Variants in COL7A1 observed in about 807,000 individuals in gnomAD.
The protein encoded by COL7A1 is collagen type VII alpha 1 chain, also known as collagen alpha-1(VII) chain.
Under a neutral mutation model 456.2 loss-of-function variants are expected in COL7A1, and 296 were observed. That is an observed-to-expected ratio of 0.65 (90% CI 0.59 to 0.71). The LOEUF is 0.71. Ranked by LOEUF, COL7A1 falls within the 30% of genes least tolerant of loss-of-function variation. COL7A1 has a pLI of 0.00. For synonymous variants in COL7A1, 1,464 were observed against 1,525.9 expected (o/e 0.96, Z 0.95); for missense variants, 3,441 against 4,017.2 (o/e 0.86, Z 3.88).
At position 48,565,386 on chromosome 3, in the gene COL7A1, C is replaced by T; in HGVS notation, c.8527+24G>A. On this transcript the variant is annotated intron_variant, in intron 116 of 118. Transcript: ENST00000681320. The surrounding 1 kb of genome is among the most constrained non-coding windows in gnomAD (Gnocchi z 4.5). ...CGTGTCTCGGCCCCACCCATAGCTGCCCCACGGGTTCAGCTGTCCTCACCT... is the reference window on the plus strand; with the variant it reads ...CGTGTCTCGGCCCCACCCATAGCTGTCCCACGGGTTCAGCTGTCCTCACCT... 1 of 1,589,034 alleles carries T rather than the reference C, an allele frequency of 6.3e-7. No homozygotes were observed. Among genetic ancestry groups the T allele is most frequent in the South Asian group, 1.1e-5 (1 of 88,404 alleles).
Position 48,578,067 on chromosome 3 carries a change from G to C in COL7A1, c.5532+254C>G, listed in dbSNP as rs2044444597. Among the ~76,000 whole-genome samples, 1 of 152,142 alleles carries C rather than the reference G, an allele frequency of 6.6e-6. No individual in the cohort carries two copies. Among genetic ancestry groups the C allele is most frequent in the Admixed American group, 6.5e-5 (1 of 15,276 alleles). On this transcript the variant is annotated intron_variant, in intron 65 of 118. Coordinates refer to ENST00000681320, the MANE Select transcript of COL7A1 (RefSeq NM_000094.4). This position sits in a 1 kb window ranked among gnomAD's most constrained non-coding sequence, Gnocchi z 4.7. Reference sequence around the variant, plus strand: ...TAATCCCAGTTACTCGGGAGGTTGAGGCAGGAGAATCACTTGAACCCGAGA... The same window carrying C: ...TAATCCCAGTTACTCGGGAGGTTGACGCAGGAGAATCACTTGAACCCGAGA...
At position 48,580,356 on chromosome 3, in the gene COL7A1, C is replaced by A; in HGVS notation, c.5053-12G>T. The A allele has an allele frequency of 1.9e-6, 3 of 1,607,756 alleles. No homozygotes were observed. The highest frequency in any genetic ancestry group is 2.5e-6 in the Non-Finnish European group (3 of 1,176,744). The stretch of plus-strand genomic sequence containing the variant: ...GATCCAGGGCTGCCCTGCAGAAAGG[C>A]AGGGGTCAGGGCCACTCAAGGTAGG... On this transcript the variant is annotated splice_polypyrimidine_tract_variant and intron_variant, in intron 55 of 118. Transcript: ENST00000681320. The surrounding 1 kb of genome is among the most constrained non-coding windows in gnomAD (Gnocchi z 4.5).
Position 48,594,461 on chromosome 3 carries a change from C to T in COL7A1, c.173G>A (p.Arg58His), listed in dbSNP as rs1197660529. Residue 58 changes from arginine (R) to histidine (H), a missense_variant, in exon 3 of 119, where the codon CGC becomes CAC. This residue lies in a region of COL7A1 where 913 missense variants were observed against 1,088.2 expected (regional missense o/e 0.84). Transcript: ENST00000681320. This position sits in a 1 kb window ranked among gnomAD's most constrained non-coding sequence, Gnocchi z 5.5. ...SIGRSNFREV[R>H]SFLEGLVLPF... ...CAGCACCAGCCCTTCGAGAAAGCTG[C>T]GGACCTCGCGGAAATTGCTGCGGCC... is the stretch of plus-strand genomic sequence containing the variant. 1.9e-6 allele frequency: 3 copies of T among 1,612,170 alleles called. No individual in the cohort carries two copies. The highest frequency in any genetic ancestry group is 1.7e-6 in the Non-Finnish European group (2 of 1,180,044).
At position 48,568,669 on chromosome 3, in the gene COL7A1, G is replaced by T. The variant is rs545889340; in HGVS notation, c.7758+115C>A. 2.4e-5 allele frequency: 35 copies of T among 1,476,818 alleles called. No individual in the cohort carries two copies. The African/African-American group carries it at 3.5e-4, about 15-fold the overall frequency. The allele number at this position is 1,476,818 out of a possible 1,614,324, so 91.5% of individuals were successfully genotyped here. The stretch of plus-strand genomic sequence containing the variant: ...CACAGATCCCGGGTGAACACACATG[G>T]GGCCGGCAGCAAGGGAGCCAGAACC... On this transcript the variant is annotated intron_variant, in intron 104 of 118. Coordinates refer to ENST00000681320, the MANE Select transcript of COL7A1 (RefSeq NM_000094.4). This position sits in a 1 kb window ranked among gnomAD's most constrained non-coding sequence, Gnocchi z 5.2.
At position 48,584,757 on chromosome 3, in the gene COL7A1, G is replaced by A. The variant is rs200290149; in HGVS notation, c.4024C>T (p.Pro1342Ser). The A allele has an allele frequency of 5.8e-5, 94 of 1,613,982 alleles. 1 individual carries two copies. In the South Asian group the frequency reaches 6.4e-4, roughly 11 times the overall value. The change falls in exon 35 of 119, where the codon CCT (proline) becomes TCT (serine). Residue 1342 changes from proline (P) to serine (S), a missense_variant. Around this residue, in one of 3 missense-constraint regions of COL7A1, gnomAD observed 2,084 missense variants for 2,501.3 expected, o/e 0.83. Coordinates refer to ENST00000681320, the MANE Select transcript of COL7A1 (RefSeq NM_000094.4). ...GPRGDPGERG[P>S]RGPKGEPGAP... ...ACCGGCTCCCCCTTTGGGCCTCGAG[G>A]TCCTCGCTCTCCCTGAGGACGAAAC...
rs1029171935 is a variant in COL7A1, at chr3:48,579,336, C to T, written c.5307+33G>A. 2 of 1,614,188 alleles carry T rather than the reference C, an allele frequency of 1.2e-6. No individual in the cohort carries two copies. The highest frequency in any genetic ancestry group is 3.3e-4 in the Middle Eastern group (2 of 6,062). Reference sequence around the variant, plus strand: ...GCTGAGGTGGATCTGATAACCCAGGCTCATGTCCTGAGAAACCCCCACACC... The same window carrying T: ...GCTGAGGTGGATCTGATAACCCAGGTTCATGTCCTGAGAAACCCCCACACC... On this transcript the variant is annotated intron_variant, in intron 61 of 118. Transcript: ENST00000681320. The surrounding 1 kb of genome is among the most constrained non-coding windows in gnomAD (Gnocchi z 4.4).
chr3:48,584,708 G>A (rs2045095809), intron 35 of COL7A1, 26 bp downstream of exon 35: 3 of 1,613,796 alleles, frequency 1.9e-6, no homozygotes, highest in Non-Finnish European at 2.5e-6. Flanking sequence ...GGACATCCCG[G>A]CCGCCTCCCT....
Position 48,587,456 on chromosome 3 carries a change from T to C in COL7A1, c.2956A>G (p.Ile986Val), listed in dbSNP as rs972209882. 20 of 1,613,116 alleles carry C rather than the reference T, an allele frequency of 1.2e-5. No individual in the cohort carries two copies. The highest frequency in any genetic ancestry group is 1.7e-5 in the Non-Finnish European group (20 of 1,180,024). The change falls in exon 23 of 119, where the codon ATC (isoleucine) becomes GTC (valine). Residue 986 changes from isoleucine (I) to valine (V), a missense_variant. Transcript: ENST00000681320. The surrounding 1 kb of genome is among the most constrained non-coding windows in gnomAD (Gnocchi z 6.1). The part of the protein sequence containing the change: ...WTPVSRASSY[I>V]LSWRPLRGPG... ...CCTCTGAGTGGCCGCCAGGATAGGA[T>C]GTAGCTGGATGCCCTGGACACTGGA...
Position 48,590,422 on chromosome 3 carries a change from G to A in COL7A1, c.1906+37C>T. Reference sequence around the variant, plus strand: ...CCCTCTGGCACCCATACCCTCATTGGTCCCTTTGGCAGTCCCCCCACACAC... The same window carrying A: ...CCCTCTGGCACCCATACCCTCATTGATCCCTTTGGCAGTCCCCCCACACAC... On this transcript the variant is annotated intron_variant, in intron 15 of 118. Transcript: ENST00000681320. This position sits in a 1 kb window ranked among gnomAD's most constrained non-coding sequence, Gnocchi z 4.6. 6.2e-7 allele frequency: 1 copy of A among 1,614,036 alleles called. No homozygotes were observed. The highest frequency in any genetic ancestry group is 8.5e-7 in the Non-Finnish European group (1 of 1,180,004).
Position 48,568,280 on chromosome 3 carries a change from GC to G in COL7A1, c.7795-111del. ...CATGGGGTGGGAGTCACCTCTGGAG[GC>G]CAGAGCCACTGGGGCTTGCCATGGG... is the stretch of plus-strand genomic sequence containing the variant. On this transcript the variant is annotated intron_variant, in intron 105 of 118. Coordinates refer to ENST00000681320, the MANE Select transcript of COL7A1 (RefSeq NM_000094.4). This position sits in a 1 kb window ranked among gnomAD's most constrained non-coding sequence, Gnocchi z 5.2. 7.7e-7 allele frequency: 1 copy of G among 1,304,660 alleles called. No individual in the cohort carries two copies. The highest frequency in any genetic ancestry group is 1.2e-5 in the South Asian group (1 of 83,384). The allele number at this position is 1,304,660 out of a possible 1,614,324, so 80.8% of individuals were successfully genotyped here. A position where few individuals can be genotyped will look rare whatever the true frequency, so the allele number is the denominator to read the frequency against.
Position 48,579,996 on chromosome 3 carries a change from C to G in COL7A1, c.5124+35G>C. 6.2e-7 allele frequency: 1 copy of G among 1,613,980 alleles called. No individual in the cohort carries two copies. Among genetic ancestry groups the G allele is most frequent in the East Asian group, 2.2e-5 (1 of 44,866 alleles). On this transcript the variant is annotated intron_variant, in intron 57 of 118. Transcript: ENST00000681320. This position sits in a 1 kb window ranked among gnomAD's most constrained non-coding sequence, Gnocchi z 4.4. ...GTGGAGCCAAAGGGGCAAGTGAGAA[C>G]AATGACAGAGGACCAGACCCAGCGC...
chr3:48,576,487 C>T (rs1365828798), intron 69 of COL7A1, 35 bp downstream of exon 69: 2 of 1,612,372 alleles, frequency 1.2e-6, no homozygotes, highest in African/African-American at 1.3e-5. Context: ...TGGTCAGCCC[C>T]CTCACCACGC....
Position 48,589,685 on chromosome 3 carries a change from G to A in COL7A1, c.2084C>T (p.Thr695Ile). The A allele has an allele frequency of 6.2e-7, 1 of 1,614,130 alleles. No homozygotes were observed. The highest frequency in any genetic ancestry group is 1.1e-5 in the South Asian group (1 of 91,084). Reference sequence around the variant, plus strand: ...GGTGACAGATGAGCTGCTGGCCTGAGTCACATGGACCGTCCTCACTGGGCC... The same window carrying A: ...GGTGACAGATGAGCTGCTGGCCTGAATCACATGGACCGTCCTCACTGGGCC... ...PLGPVRTVHV[T>I]QASSSSVTIT... Residue 695 changes from threonine (T) to isoleucine (I), a missense_variant, in exon 17 of 119, where the codon ACT becomes ATT. Physicochemically the swap from Thr to Ile is moderately conservative, Grantham distance 89. Around this residue, in one of 3 missense-constraint regions of COL7A1, gnomAD observed 913 missense variants for 1,088.2 expected, o/e 0.84. Coordinates refer to ENST00000681320, the MANE Select transcript of COL7A1 (RefSeq NM_000094.4).
rs1348697577 is a variant in COL7A1 at position 48,567,947 on chromosome 3, C to G, written c.7876-56G>C. ...TCCCAGACACCTCACTCTGTGACCC[C>G]CTTCACCCTGAAACTAACTCTCCAA... is the stretch of plus-strand genomic sequence containing the variant. On this transcript the variant is annotated intron_variant, in intron 106 of 118. Transcript: ENST00000681320. The surrounding 1 kb of genome is among the most constrained non-coding windows in gnomAD (Gnocchi z 4.3). 1 of 1,609,608 alleles carries G rather than the reference C, an allele frequency of 6.2e-7. No homozygotes were observed.
In COL7A1 at chr3:48,579,963, G is replaced by A; in HGVS notation, c.5124+68C>T. The A allele has an allele frequency of 1.2e-6, 2 of 1,609,210 alleles. No homozygotes were observed. The highest frequency in any genetic ancestry group is 1.7e-4 in the Middle Eastern group (1 of 6,052). On this transcript the variant is annotated intron_variant, in intron 57 of 118. Coordinates refer to ENST00000681320, the MANE Select transcript of COL7A1 (RefSeq NM_000094.4). The surrounding 1 kb of genome is among the most constrained non-coding windows in gnomAD (Gnocchi z 4.4). ...TGGGAGTTAGTGGAAGGAATGAGGG[G>A]ACATGATGTGGAGCCAAAGGGGCAA...
Position 48,586,756 on chromosome 3 carries a change from G to A in COL7A1, c.3277-67C>T. On this transcript the variant is annotated intron_variant, in intron 25 of 118. Transcript: ENST00000681320. This position sits in a 1 kb window ranked among gnomAD's most constrained non-coding sequence, Gnocchi z 5.1. ...GCAGGGATGGGGGTGCACAGAGCCT[G>A]GAGAAACACATCAGGGTGTGTGTGA... is the stretch of plus-strand genomic sequence containing the variant. 5 of 1,543,974 alleles carry A rather than the reference G, an allele frequency of 3.2e-6. No homozygotes were observed. The highest frequency in any genetic ancestry group is 4.4e-6 in the Non-Finnish European group (5 of 1,141,696).
At position 48,578,388 on chromosome 3, in the gene COL7A1, G is replaced by A; in HGVS notation, c.5488-23C>T. On this transcript the variant is annotated intron_variant, in intron 64 of 118. Transcript: ENST00000681320. This position sits in a 1 kb window ranked among gnomAD's most constrained non-coding sequence, Gnocchi z 4.7. ...TCCCTGTGGGAACAGATCACTGGTTGGATGTCGGGGATCGGGTGAGGGTAG... is the reference window on the plus strand; with the variant it reads ...TCCCTGTGGGAACAGATCACTGGTTAGATGTCGGGGATCGGGTGAGGGTAG... 1 of 1,613,552 alleles carries A rather than the reference G, an allele frequency of 6.2e-7. No homozygotes were observed. The highest frequency in any genetic ancestry group is 8.5e-7 in the Non-Finnish European group (1 of 1,180,026).
At position 48,580,172 on chromosome 3, in the gene COL7A1, C is replaced by A; in HGVS notation, c.5098-115G>T. On this transcript the variant is annotated intron_variant, in intron 56 of 118. Coordinates refer to ENST00000681320, the MANE Select transcript of COL7A1 (RefSeq NM_000094.4). This position sits in a 1 kb window ranked among gnomAD's most constrained non-coding sequence, Gnocchi z 4.5. Reference sequence around the variant, plus strand: ...TCCCCGAAGCACCCCAATGCCAGCCCCCAGCAGGCATGGGTGGCCATCCAT... The same window carrying A: ...TCCCCGAAGCACCCCAATGCCAGCCACCAGCAGGCATGGGTGGCCATCCAT... The A allele has an allele frequency of 6.5e-7, 1 of 1,527,108 alleles. No individual in the cohort carries two copies. The highest frequency in any genetic ancestry group is 2.3e-5 in the East Asian group (1 of 42,554). 94.6% of individuals were successfully genotyped at this position (1,527,108 alleles called of 1,614,324 possible). A position where few individuals can be genotyped will look rare whatever the true frequency, so the allele number is the denominator to read the frequency against.
Position 48,593,833 on chromosome 3 carries a change from C to A in COL7A1, c.267-137G>T. The A allele has an allele frequency of 9.3e-7, 1 of 1,069,676 alleles. No homozygotes were observed. Among genetic ancestry groups the A allele is most frequent in the Admixed American group, 1.9e-5 (1 of 51,376 alleles). 66.3% of individuals were successfully genotyped at this position (1,069,676 alleles called of 1,614,324 possible). The stretch of plus-strand genomic sequence containing the variant: ...CCTTCGTTCTGTCATTCTCCACACC[C>A]ACTTGCCTCTGGAACCCCCAGGTTA... On this transcript the variant is annotated intron_variant, in intron 3 of 118. Coordinates refer to ENST00000681320, the MANE Select transcript of COL7A1 (RefSeq NM_000094.4). The surrounding 1 kb of genome is among the most constrained non-coding windows in gnomAD (Gnocchi z 4.4).
Sources: gnomAD v4.1 joint callset for allele counts (sites outside exome capture counted in the v4.1 genomes callset) on GRCh38, gnomAD v4.1.1 for gene constraint, gnomAD v4.1.1 regional missense constraint, Gnocchi (gnomAD v3.1) non-coding constraint, MANE v1.5 for transcripts, NCBI Gene and HGNC (gene_info 2026-07-23, HGNC 2026-07-21) for gene names.